WDR7: variants seen among roughly 807,000 people sequenced by gnomAD.
WDR7 encodes WD repeat domain 7.
WDR7 carries 46 observed loss-of-function variants against 169.4 expected under a neutral mutation model. The observed-to-expected ratio is 0.27, with a 90% CI of 0.21 to 0.35. The LOEUF (loss-of-function observed/expected upper bound fraction) is 0.35. Among genes scored for constraint, WDR7 ranks in the 10% least tolerant of loss-of-function variants. The probability of loss-of-function intolerance (pLI) is 1.00; values close to 1 mark genes in which losing one functional copy is unlikely to be tolerated. For synonymous variants in WDR7, 612 were observed against 666.8 expected, an observed-to-expected ratio of 0.92 and a Z score of 1.27; for missense variants, 1,534 against 1,859.3, an observed-to-expected ratio of 0.83 and a Z score of 3.22.
chr18:57,032,928 T>C (rs2048450606), downstream of WDR7: 1 of 150,060 alleles, frequency 6.7e-6, no homozygotes, highest in Admixed American at 6.6e-5. Context: ...CCAGCCTTTT[T>C]TGCATGAAAC....
intron 16 of WDR7, among the ~76,000 whole-genome samples, chr18:56,765,814 C>CTATT (rs200152591): frequency 8.6e-5 from 13 of 151,836 alleles, no homozygotes; most frequent in East Asian, 7.7e-4. Context: ...ATCTATCTAT[C>CTATT]TATTTATTTA....
In WDR7 at chr18:56,923,947, A is replaced by G. The variant is rs777179541; in HGVS notation, c.3552A>G (p.Leu1184=). ...HTCKALTFLL[L]QPPSPKLPPH... ...GCAAGGCACTGACGTTTCTTCTGCT[A>G]CAGCCTCCAAGCCCCAAACTTCCTC... The change falls in exon 22 of 28, where the codon CTA becomes CTG. Residue 1184 remains leucine, a synonymous_variant. Coordinates refer to ENST00000254442, the MANE Select transcript of WDR7 (RefSeq NM_015285.3). 4 of 1,572,296 alleles carry G rather than the reference A, an allele frequency of 2.5e-6. No individual in the cohort carries two copies. The Admixed American group carries it at 5.9e-5, about 23-fold the overall frequency.
intron 20 of WDR7, among the ~76,000 whole-genome samples, chr18:56,871,896 A>G (rs986372304): frequency 4.6e-5 from 7 of 152,244 alleles, no homozygotes; most frequent in African/African-American, 7.2e-5. Flanking sequence ...AATTTTTACT[A>G]GAAATTTACT....
chr18:57,003,205 C>A (rs1334423657), intron 26 of WDR7, among the ~76,000 whole-genome samples: 1 of 143,936 alleles, frequency 6.9e-6, no homozygotes, highest in Non-Finnish European at 1.6e-5. Context: ...GTAATTACCC[C>A]TTCTGTGTTT....
rs1278321095 is a variant in WDR7, at chr18:57,006,096, T to A, written c.4165-14649T>A. ...TCTGGTTGAGTTTTAGATGCTTTTT[T>A]CTTTAAAGTGAATAAAATTAGCATG... On this transcript the variant is annotated intron_variant, in intron 26 of 27. Coordinates refer to ENST00000254442, the MANE Select transcript of WDR7 (RefSeq NM_015285.3). 2.0e-5 allele frequency among the ~76,000 whole-genome samples: 3 copies of A among 152,228 alleles called. No individual in the cohort carries two copies. In the East Asian group the frequency reaches 5.8e-4, roughly 29 times the overall value.
chr18:56,802,261 G>A (rs1319101155), intron 19 of WDR7, among the ~76,000 whole-genome samples: 1 of 151,062 alleles, frequency 6.6e-6, no homozygotes, highest in East Asian at 1.9e-4. Context: ...GTCCATTTTG[G>A]TGAAATGCCT....
chr18:56,799,129 A>G (rs2044629949), intron 19 of WDR7, among the ~76,000 whole-genome samples: 2 of 152,174 alleles, frequency 1.3e-5, no homozygotes, highest in African/African-American at 4.8e-5. Context: ...AGTAAGAACT[A>G]TTATAGAGAT....
intron 21 of WDR7, among the ~76,000 whole-genome samples, chr18:56,904,192 C>T (rs544788581): frequency 2.0e-5 from 3 of 151,980 alleles, no homozygotes; most frequent in South Asian, 4.2e-4. Flanking sequence ...GCCTCAGCCT[C>T]CCGAGTAGCT....
At chr18:56,841,315 G>T (rs1289874788) in intron 20 of WDR7, among the ~76,000 whole-genome samples, 1 of 152,058 alleles carries the variant, frequency 6.6e-6, no homozygotes, top group African/African-American at 2.4e-5. Context: ...GCTGAGGCAG[G>T]CAGATCAGTT....
chr18:56,761,877 A>C (rs1200684970), intron 16 of WDR7, among the ~76,000 whole-genome samples: 1 of 152,068 alleles, frequency 6.6e-6, no homozygotes, highest in Non-Finnish European at 1.5e-5. Flanking sequence ...TATTAATTAA[A>C]ATAATTTATC....
At chr18:56,838,216 T>A (rs1373991817) in intron 20 of WDR7, among the ~76,000 whole-genome samples, 2 of 152,218 alleles carry the variant, frequency 1.3e-5, no homozygotes, top group Admixed American at 6.5e-5. Flanking sequence ...TATTATTTTT[T>A]TTTTGCCTTT....
At chr18:56,855,244 C>T (rs75450808) in intron 20 of WDR7, among the ~76,000 whole-genome samples, 8 of 119,872 alleles carry the variant, frequency 6.7e-5, no homozygotes, top group Admixed American at 8.7e-5. Flanking sequence ...GTTTTTTTTT[C>T]CCCCCATTGG....
chr18:56,765,798 G>C (rs773770803), intron 16 of WDR7, among the ~76,000 whole-genome samples: 5 of 151,846 alleles, frequency 3.3e-5, no homozygotes, highest in African/African-American at 9.7e-5. Context: ...ATGTATGTAT[G>C]TATGTATCTA....
At chr18:56,956,684 C>A (rs1453432319) in intron 25 of WDR7, among the ~76,000 whole-genome samples, 2 of 152,122 alleles carry the variant, frequency 1.3e-5, no homozygotes, top group African/African-American at 4.8e-5. Flanking sequence ...GTAATCAAAT[C>A]TTTCCTGTGG....
chr18:57,017,514 T>TGTGA (rs2048225295), intron 26 of WDR7, among the ~76,000 whole-genome samples: 1 of 149,814 alleles, frequency 6.7e-6, no homozygotes, highest in East Asian at 1.9e-4. Flanking sequence ...TGTGTGTGTG[T>TGTGA]GTGTGTGATG....
chr18:56,838,531 G>C (rs1220167222), intron 20 of WDR7, among the ~76,000 whole-genome samples: 16 of 152,088 alleles, frequency 1.1e-4, no homozygotes, highest in Non-Finnish European at 1.5e-5. Context: ...TTTTGATCCT[G>C]GGACACCCAA....
intron 13 of WDR7, among the ~76,000 whole-genome samples, chr18:56,721,161 T>A (rs1254621536): frequency 6.6e-6 from 1 of 152,192 alleles, no homozygotes; most frequent in Non-Finnish European, 1.5e-5. Context: ...GTTTCAGGAA[T>A]GTATTTTTCC....
rs2145959259 is a variant in WDR7, at chr18:57,027,539, A to G, written c.*332A>G. On this transcript the variant is annotated 3_prime_UTR_variant, in exon 28 of 28. Coordinates refer to ENST00000254442, the MANE Select transcript of WDR7 (RefSeq NM_015285.3). Reference sequence around the variant, plus strand: ...AACAGAAGCACAAAAATCAATAAACACTGTGATTGCACTCCCAGCCCAGAT... The same window carrying G: ...AACAGAAGCACAAAAATCAATAAACGCTGTGATTGCACTCCCAGCCCAGAT... The G allele has an allele frequency of 8.7e-6, 3 of 344,906 alleles. No individual in the cohort carries two copies. Among genetic ancestry groups the G allele is most frequent in the African/African-American group, 2.1e-5 (1 of 47,062 alleles). 21.4% of individuals were successfully genotyped at this position (344,906 alleles called of 1,614,324 possible).
intron 7 of WDR7, among the ~76,000 whole-genome samples, chr18:56,689,981 T>C (rs1224517612): frequency 6.6e-6 from 1 of 152,122 alleles, no homozygotes; most frequent in Non-Finnish European, 1.5e-5. Flanking sequence ...CAAGGCTGTA[T>C]ACAAGCAACT....
Sources: allele counts gnomAD v4.1 joint callset (sites outside exome capture counted in the v4.1 genomes callset), GRCh38; gene constraint gnomAD v4.1.1; transcripts MANE v1.5; gene names NCBI Gene and HGNC (gene_info 2026-07-23, HGNC 2026-07-21).